FHIP1A: variants seen among roughly 807,000 people sequenced by gnomAD.
FHIP1A encodes FHF complex subunit HOOK-interacting protein 1A.
In FHIP1A, 61 loss-of-function variants were observed where a neutral mutation model predicts 88.6. The observed-to-expected ratio is 0.69, with a 90% CI of 0.56 to 0.85. The LOEUF is 0.85. FHIP1A is among the 40% of genes least tolerant of loss of function. The pLI, the probability that FHIP1A is intolerant of heterozygous loss-of-function variation, is 0.00. For missense variants in FHIP1A, 1,154 were observed against 1,273.5 expected (o/e 0.91, Z 1.43); for synonymous variants, 478 against 496.0 (o/e 0.96, Z 0.48).
chr4:151,552,376 T>C (rs1464168688), intron 3 of FHIP1A, among the ~76,000 whole-genome samples: 3 of 152,174 alleles, frequency 2.0e-5, no homozygotes, highest in Non-Finnish European at 2.9e-5. Context: ...CACATGCACA[T>C]ATATGTTTAT....
chr4:151,553,328 T>C (rs568321185), intron 3 of FHIP1A, among the ~76,000 whole-genome samples: 1 of 152,322 alleles, frequency 6.6e-6, no homozygotes, highest in East Asian at 1.9e-4. Context: ...ACAGGGAATA[T>C]ATACAACTAA....
intron 11 of FHIP1A, 95 bp downstream of exon 11, chr4:151,650,687 T>A (rs1462352159): frequency 7.0e-7 from 1 of 1,433,338 alleles, no homozygotes; most frequent in Non-Finnish European, 9.2e-7. Context: ...AGGGATATTA[T>A]CGGTTTGTCT....
intron 3 of FHIP1A, among the ~76,000 whole-genome samples, chr4:151,502,257 C>T (rs1461779924): frequency 6.6e-6 from 1 of 151,810 alleles, no homozygotes; most frequent in African/African-American, 2.4e-5. Flanking sequence ...ATCAAGGCTG[C>T]AGTGAGCTGT....
rs1435686665 is a variant in FHIP1A at position 151,656,689 on chromosome 4, C to T, written c.2731-71C>T. ...GTTCCCATAATGAGGGTGCTACCTG[C>T]AAGATATATTGATAACTGGGAGTGG... On this transcript the variant is annotated intron_variant, in intron 12 of 13. Transcript: ENST00000435205. This position sits in a 1 kb window ranked among gnomAD's most constrained non-coding sequence, Gnocchi z 4.2. 7 of 1,470,524 alleles carry T rather than the reference C, an allele frequency of 4.8e-6. No individual in the cohort carries two copies. Among genetic ancestry groups the T allele is most frequent in the South Asian group, 1.3e-5 (1 of 75,294 alleles). The allele number at this position is 1,470,524 out of a possible 1,614,324, so 91.1% of individuals were successfully genotyped here.
chr4:151,457,785 G>A (rs1219483957), intron 2 of FHIP1A, among the ~76,000 whole-genome samples: 1 of 152,082 alleles, frequency 6.6e-6, no homozygotes, highest in African/African-American at 2.4e-5. Context: ...CAAACTCAGA[G>A]GCCAGGCAGG....
rs1578884330 is a variant in FHIP1A at position 151,667,602 on chromosome 4, T to G, written c.*4848T>G. ...TTAGTGAAAGATTTTCAGAGGTTCT[T>G]TAGGGAAAAGAATGACCAGGAGAAG... On this transcript the variant is annotated 3_prime_UTR_variant, in exon 14 of 14. Coordinates refer to ENST00000435205, the MANE Select transcript of FHIP1A (RefSeq NM_001109977.3). 2.0e-5 allele frequency among the ~76,000 whole-genome samples: 3 copies of G among 152,302 alleles called. No individual in the cohort carries two copies. The South Asian group carries it at 6.2e-4, about 32-fold the overall frequency.
At position 151,649,711 on chromosome 4, in the gene FHIP1A, A is replaced by C; in HGVS notation, c.1670A>C (p.Gln557Pro). ...SACPVFGLPQ[Q>P]LPRKTGPQLA... Reference sequence around the variant, plus strand: ...TGCCCTGTGTTCGGGCTCCCGCAACAACTCCCCAGGAAGACAGGACCTCAG... The same window carrying C: ...TGCCCTGTGTTCGGGCTCCCGCAACCACTCCCCAGGAAGACAGGACCTCAG... Residue 557 changes from glutamine to proline, a missense_variant, in exon 11 of 14, where the codon CAA (glutamine) becomes CCA (proline). Coordinates refer to ENST00000435205, the MANE Select transcript of FHIP1A (RefSeq NM_001109977.3). The C allele has an allele frequency of 6.4e-7, 1 of 1,551,526 alleles. No homozygotes were observed. Among genetic ancestry groups the C allele is most frequent in the African/African-American group, 1.4e-5 (1 of 73,096 alleles).
intron 4 of FHIP1A, among the ~76,000 whole-genome samples, chr4:151,566,676 C>CCT (rs900577769): frequency 6.6e-6 from 1 of 151,174 alleles, no homozygotes; most frequent in Non-Finnish European, 1.5e-5. Context: ...ATAATTATAT[C>CCT]CTCTCTCTCT....
intron 3 of FHIP1A, among the ~76,000 whole-genome samples, chr4:151,558,449 C>T (rs1433828320): frequency 6.6e-6 from 1 of 152,042 alleles, no homozygotes; most frequent in Non-Finnish European, 1.5e-5. Flanking sequence ...GCATGAGAAT[C>T]GCTTGAACCC....
chr4:151,523,259 G>A (rs1241951629), intron 3 of FHIP1A, among the ~76,000 whole-genome samples: 1 of 152,182 alleles, frequency 6.6e-6, no homozygotes, highest in Non-Finnish European at 1.5e-5. Context: ...ACATTGTGGA[G>A]TGACTTATTC....
intron 3 of FHIP1A, among the ~76,000 whole-genome samples, chr4:151,552,160 A>C (rs538266913): frequency 4.8e-4 from 73 of 152,342 alleles, no homozygotes; most frequent in African/African-American, 1.7e-3. Flanking sequence ...GGCAATCATT[A>C]AAAAGTCAGG....
chr4:151,629,344 T>C (rs1049037996), intron 7 of FHIP1A, among the ~76,000 whole-genome samples: 1 of 152,244 alleles, frequency 6.6e-6, no homozygotes, highest in Non-Finnish European at 1.5e-5. Flanking sequence ...CCGGGCTTTC[T>C]AATTAATCCT....
intron 11 of FHIP1A, among the ~76,000 whole-genome samples, chr4:151,654,866 A>G (rs900433265): frequency 6.6e-6 from 1 of 152,162 alleles, no homozygotes; most frequent in Non-Finnish European, 1.5e-5. Flanking sequence ...CGTCCCAAGG[A>G]TGGGGAAGTT....
intron 3 of FHIP1A, among the ~76,000 whole-genome samples, chr4:151,509,026 T>C (rs11099819): frequency 0.52 from 78,943 of 151,990 alleles, 20,807 homozygotes; most frequent in African/African-American, 0.55. Context: ...TCTTAAGCAG[T>C]GCTACAGTGC....
chr4:151,564,352 T>C lies in FHIP1A; in HGVS notation c.-122-1786T>C, dbSNP rs1024136410. ...GACATTTTCACAGAAATGTAGTGTG[T>C]AGAATAACAAGGAAGTTGATTCAGA... is the stretch of plus-strand genomic sequence containing the variant. On this transcript the variant is annotated intron_variant, in intron 3 of 13. Coordinates refer to ENST00000435205, the MANE Select transcript of FHIP1A (RefSeq NM_001109977.3). Among the ~76,000 whole-genome samples the C allele has an allele frequency of 2.0e-5, 3 of 152,206 alleles. No individual in the cohort carries two copies. The East Asian group carries it at 5.8e-4, about 29-fold the overall frequency.
intron 7 of FHIP1A, among the ~76,000 whole-genome samples, chr4:151,593,446 T>A (rs535245304): frequency 4.6e-5 from 7 of 152,344 alleles, no homozygotes; most frequent in Non-Finnish European, 8.8e-5. Flanking sequence ...CCTTGAGCAG[T>A]GGTTTGTAGT....
At chr4:151,530,657 A>G (rs1177001688) in intron 3 of FHIP1A, among the ~76,000 whole-genome samples, 1 of 151,676 alleles carries the variant, frequency 6.6e-6, no homozygotes, top group Non-Finnish European at 1.5e-5. Flanking sequence ...GCAATTGTCA[A>G]CTCCTTCTCT....
At chr4:151,553,319 CAG>C (rs1034385743) in intron 3 of FHIP1A, among the ~76,000 whole-genome samples, 10 of 152,052 alleles carry the variant, frequency 6.6e-5, no homozygotes, top group Non-Finnish European at 1.2e-4. Flanking sequence ...TGTATAAAAA[CAG>C]GGAATATATA....
At chr4:151,579,733 T>G (rs1191632893) in intron 5 of FHIP1A, among the ~76,000 whole-genome samples, 1 of 152,224 alleles carries the variant, frequency 6.6e-6, no homozygotes, top group Non-Finnish European at 1.5e-5. Flanking sequence ...AGATAGTGTA[T>G]AGATGAGACA....
Sources: allele counts gnomAD v4.1 joint callset (sites outside exome capture counted in the v4.1 genomes callset), GRCh38; gene constraint gnomAD v4.1.1; non-coding constraint Gnocchi (gnomAD v3.1); transcripts MANE v1.5; gene names NCBI Gene and HGNC (gene_info 2026-07-23, HGNC 2026-07-21).